The following DOCK4 variants were observed in gnomAD, a reference collection of about 807,000 sequenced individuals.
The protein encoded by DOCK4 is dedicator of cytokinesis 4.
Under a neutral mutation model 268.1 loss-of-function variants are expected in DOCK4, and 97 were observed. The ratio of observed to expected loss-of-function variants is 0.36; its 90% CI spans 0.31 to 0.43. The LOEUF (loss-of-function observed/expected upper bound fraction) is 0.43, where lower values mean the gene tolerates loss of function less well. DOCK4 is among the 20% of genes least tolerant of loss of function. DOCK4 has a pLI of 1.00. For synonymous variants in DOCK4, 954 were observed against 887.2 expected (o/e 1.08, Z -1.34); for missense variants, 2,145 against 2,455.7 (o/e 0.87, Z 2.67).
intron 15 of DOCK4, among the ~76,000 whole-genome samples, chr7:111,896,403 T>C (rs1159017756): frequency 1.3e-5 from 2 of 152,146 alleles, no homozygotes; most frequent in African/African-American, 4.8e-5. Flanking sequence ...TTAGTAATTA[T>C]TTATAGATAG....
intron 7 of DOCK4, among the ~76,000 whole-genome samples, chr7:111,983,072 A>AC (rs148420541): frequency 0.02 from 3,084 of 152,146 alleles, 108 homozygotes; most frequent in African/African-American, 0.07. Flanking sequence ...CAAGCAGCAC[A>AC]CAACACCACT....
At chr7:112,033,453 T>A (rs977942321) in intron 1 of DOCK4, among the ~76,000 whole-genome samples, 1 of 152,218 alleles carries the variant, frequency 6.6e-6, no homozygotes, top group Non-Finnish European at 1.5e-5. Context: ...ACATGCTACA[T>A]CCTGCTAATG....
At chr7:111,758,274 T>C (rs1797167950) in intron 41 of DOCK4, among the ~76,000 whole-genome samples, 1 of 152,210 alleles carries the variant, frequency 6.6e-6, no homozygotes, top group South Asian at 2.1e-4. Context: ...ATTCCCACAA[T>C]TGGTTCAACA....
chr7:111,893,288 C>T (rs1808445457), intron 16 of DOCK4, among the ~76,000 whole-genome samples: 1 of 152,164 alleles, frequency 6.6e-6, no homozygotes, highest in Non-Finnish European at 1.5e-5. Context: ...TTCTAATCAG[C>T]AACTGAGAAT....
intron 1 of DOCK4, among the ~76,000 whole-genome samples, chr7:112,146,349 C>T (rs760914254): frequency 6.6e-5 from 10 of 152,184 alleles, no homozygotes; most frequent in Non-Finnish European, 1.5e-4. Context: ...ACTTGATCCC[C>T]TCCTTCCTGG....
intron 1 of DOCK4, among the ~76,000 whole-genome samples, chr7:112,054,903 A>G (rs1027849840): frequency 6.6e-6 from 1 of 152,256 alleles, no homozygotes; most frequent in Admixed American, 6.5e-5. Flanking sequence ...AAAAGAAACT[A>G]TAAATTGAAG....
At chr7:112,019,270 C>T (rs1451900291) in intron 1 of DOCK4, among the ~76,000 whole-genome samples, 24 of 152,090 alleles carry the variant, frequency 1.6e-4, no homozygotes, top group Admixed American at 1.6e-3. Context: ...AAAGAAGAAT[C>T]AAGAGCTCAA....
intron 8 of DOCK4, among the ~76,000 whole-genome samples, chr7:111,976,268 A>ATTAT (rs1798185867): frequency 5.3e-5 from 3 of 56,408 alleles, no homozygotes; most frequent in Non-Finnish European, 9.3e-5. Flanking sequence ...ATGTGTGTCT[A>ATTAT]TTATATATAT....
Position 112,071,055 on chromosome 7 carries a change from A to T in DOCK4, c.38-66924T>A, listed in dbSNP as rs145407798. Among the ~76,000 whole-genome samples, 51 of 152,376 alleles carry T rather than the reference A, an allele frequency of 3.3e-4. 2 individuals carry two copies. In the East Asian group the frequency reaches 4.4e-3, roughly 13 times the overall value. On this transcript the variant is annotated intron_variant, in intron 1 of 52. Transcript: ENST00000428084. ...GTAAGTAAAGCAGTTGGCAGAAGAC[A>T]GTTGACTACCCAGAATTCCTTGCCA...
intron 1 of DOCK4, among the ~76,000 whole-genome samples, chr7:112,073,944 A>C (rs958974258): frequency 2.0e-5 from 3 of 152,204 alleles, no homozygotes; most frequent in African/African-American, 7.2e-5. Context: ...CCGATTTATC[A>C]TTATACACTC....
At chr7:112,059,011 C>G (rs7791730) in intron 1 of DOCK4, among the ~76,000 whole-genome samples, 17,979 of 151,966 alleles carry the variant, frequency 0.12, 3,606 homozygotes, top group African/African-American at 0.41. Flanking sequence ...CTTAAATTTG[C>G]AGAGATTCAG....
In DOCK4 at chr7:111,933,294, ATATAT is replaced by A. The variant is rs202066880; in HGVS notation, c.1066+2241_1066+2245del. On this transcript the variant is annotated intron_variant, in intron 12 of 52. Transcript: ENST00000428084. ...TACATATATACATATATATATATAT[ATATAT>A]TTTTTTTTTTTTTTGAGATGGAGTC... 5.5e-3 allele frequency among the ~76,000 whole-genome samples: 641 copies of A among 116,334 alleles called. 39 individuals are homozygous for A. Among genetic ancestry groups the A allele is most frequent in the African/African-American group, 0.021 (605 of 28,566 alleles). 76.3% of individuals were successfully genotyped at this position (116,334 alleles called of 152,430 possible).
At chr7:112,048,575 A>AC (rs1029456866) in intron 1 of DOCK4, among the ~76,000 whole-genome samples, 6 of 151,718 alleles carry the variant, frequency 4.0e-5, no homozygotes, top group African/African-American at 1.2e-4. Flanking sequence ...AAAAACAAAA[A>AC]AAAACAAAAC....
intron 27 of DOCK4, among the ~76,000 whole-genome samples, chr7:111,818,286 T>C (rs1364090724): frequency 1.3e-5 from 2 of 152,132 alleles, no homozygotes; most frequent in Non-Finnish European, 2.9e-5. Context: ...CCCAACATCA[T>C]CCCTGAGCTC....
At position 112,035,421 on chromosome 7, in the gene DOCK4, T is replaced by C. The variant is rs554658196; in HGVS notation, c.38-31290A>G. ...CTTTCGGTGAATGTGTCACATTCTATAAAAACTTCATAAAACTATGAATTC... is the reference window on the plus strand; with the variant it reads ...CTTTCGGTGAATGTGTCACATTCTACAAAAACTTCATAAAACTATGAATTC... On this transcript the variant is annotated intron_variant, in intron 1 of 52. Coordinates refer to ENST00000428084, the MANE Select transcript of DOCK4 (RefSeq NM_001363540.2). Among the ~76,000 whole-genome samples, 5 of 152,262 alleles carry C rather than the reference T, an allele frequency of 3.3e-5. No individual in the cohort carries two copies. The South Asian group carries it at 6.2e-4, about 19-fold the overall frequency.
intron 8 of DOCK4, among the ~76,000 whole-genome samples, chr7:111,972,754 C>T (rs185761783): frequency 2.4e-4 from 37 of 152,022 alleles, no homozygotes; most frequent in Middle Eastern, 6.8e-3. Context: ...TACATACTAC[C>T]TAGATTCTAT....
chr7:112,160,010 T>C (rs745762598), intron 1 of DOCK4, among the ~76,000 whole-genome samples: 2 of 151,996 alleles, frequency 1.3e-5, no homozygotes, highest in Non-Finnish European at 2.9e-5. Flanking sequence ...CCAATGAGCA[T>C]TTCAGGCTTA....
At chr7:112,144,430 A>G (rs1815240977) in intron 1 of DOCK4, among the ~76,000 whole-genome samples, 1 of 152,216 alleles carries the variant, frequency 6.6e-6, no homozygotes. Flanking sequence ...ACTCGGGAAC[A>G]GTTTGACATT....
At chr7:112,154,504 CA>C (rs5886612) in intron 1 of DOCK4, among the ~76,000 whole-genome samples, 74,990 of 151,880 alleles carry the variant, frequency 0.49, 18,731 homozygotes, top group East Asian at 0.69. Flanking sequence ...ACATTTGTCA[CA>C]AATGTCCTTC....
Sources: gnomAD v4.1 joint callset for allele counts (sites outside exome capture counted in the v4.1 genomes callset) on GRCh38, gnomAD v4.1.1 for gene constraint, MANE v1.5 for transcripts, NCBI Gene and HGNC (gene_info 2026-07-23, HGNC 2026-07-21) for gene names.